The following FBXO46 variants were observed in gnomAD, a reference collection of about 807,000 sequenced individuals.
FBXO46 encodes F-box protein 46, also known as F-box only protein 46.
Under a neutral mutation model 30.7 loss-of-function variants are expected in FBXO46, and 13 were observed. The ratio of observed to expected loss-of-function variants is 0.42; its 90% CI spans 0.28 to 0.67. FBXO46 has a LOEUF of 0.67. Ranked by LOEUF, FBXO46 falls within the 30% of genes least tolerant of loss-of-function variation. The probability of loss-of-function intolerance (pLI) is 0.21; values close to 1 mark genes in which losing one functional copy is unlikely to be tolerated. For missense variants in FBXO46, 754 were observed against 871.5 expected (o/e 0.87, Z 1.70); for synonymous variants, 467 against 385.8 (o/e 1.21, Z -2.47).
At position 45,713,729 on chromosome 19, in the gene FBXO46, A is replaced by G. The variant is rs1968040936; in HGVS notation, c.-78-156T>C. Among the ~76,000 whole-genome samples the G allele has an allele frequency of 6.6e-6, 1 of 152,120 alleles. No homozygotes were observed. The highest frequency in any genetic ancestry group is 2.1e-4 in the South Asian group (1 of 4,828). ...ACGCCTGTAATCCCAGCACTTTGGG[A>G]GGCTGAGGTGGGCAGATCACCTGAG... On this transcript the variant is annotated intron_variant, in intron 1 of 1. Coordinates refer to ENST00000317683, the MANE Select transcript of FBXO46 (RefSeq NM_001080469.2). The surrounding 1 kb of genome is among the most constrained non-coding windows in gnomAD (Gnocchi z 4.7).
chr19:45,719,591 A>G (rs1968144077), intron 1 of FBXO46, among the ~76,000 whole-genome samples: 2 of 151,556 alleles, frequency 1.3e-5, no homozygotes, highest in Non-Finnish European at 2.9e-5. Context: ...GAACCACTCA[A>G]TCTACACCCT....
chr19:45,723,266 G>A (rs1042822797), intron 1 of FBXO46, among the ~76,000 whole-genome samples: 2 of 151,926 alleles, frequency 1.3e-5, no homozygotes, highest in Non-Finnish European at 2.9e-5. Context: ...CCAGCTACTC[G>A]GGGAGGCTGA....
At position 45,710,965 on chromosome 19, in the gene FBXO46, T is replaced by C; in HGVS notation, c.*719A>G. 4.8e-6 allele frequency: 1 copy of C among 208,672 alleles called. No homozygotes were observed. Among genetic ancestry groups the C allele is most frequent in the South Asian group, 5.9e-5 (1 of 16,812 alleles). 12.9% of individuals were successfully genotyped at this position (208,672 alleles called of 1,614,324 possible). On this transcript the variant is annotated 3_prime_UTR_variant, in exon 2 of 2. Transcript: ENST00000317683. ...AAAGGGCTTCACAGCTTTATGGGGG[T>C]GGGGTTGATGGCAGTAGCTTAAATA...
In FBXO46 at chr19:45,712,916, T is replaced by A. The variant is rs1968018020; in HGVS notation, c.580A>T (p.Thr194Ser). The change falls in exon 2 of 2, where the codon ACC becomes TCC. Residue 194 changes from threonine (T) to serine (S), a missense_variant. Transcript: ENST00000317683. The surrounding 1 kb of genome is among the most constrained non-coding windows in gnomAD (Gnocchi z 8.8). ...ALALQSYPRP[T>S]TPAPVVFVSA... ...ACAAAGACTACAGGCGCTGGGGTGGTCGGTCGTGGGTAGCTCTGCAGGGCC... is the reference window on the plus strand; with the variant it reads ...ACAAAGACTACAGGCGCTGGGGTGGACGGTCGTGGGTAGCTCTGCAGGGCC... 6.2e-7 allele frequency: 1 copy of A among 1,609,154 alleles called. No homozygotes were observed. Among genetic ancestry groups the A allele is most frequent in the Non-Finnish European group, 8.5e-7 (1 of 1,178,178 alleles).
chr19:45,712,243 C>T lies in FBXO46; in HGVS notation c.1253G>A (p.Gly418Glu). ...LFFLQNRGPD[G>E]PPEPPPADSP... ...GTCGGCCGGGGGTGGCTCCGGGGGC[C>T]CGTCCGGCCCGCGGTTCTGGAGAAA... Residue 418 changes from glycine to glutamate, a missense_variant, in exon 2 of 2, where the codon GGG becomes GAG. By Grantham distance (98) the Gly-to-Glu change is moderately conservative. Coordinates refer to ENST00000317683, the MANE Select transcript of FBXO46 (RefSeq NM_001080469.2). This position sits in a 1 kb window ranked among gnomAD's most constrained non-coding sequence, Gnocchi z 8.8. 6.2e-7 allele frequency: 1 copy of T among 1,604,580 alleles called. No individual in the cohort carries two copies. Among genetic ancestry groups the T allele is most frequent in the Non-Finnish European group, 8.5e-7 (1 of 1,178,314 alleles).
intron 1 of FBXO46, among the ~76,000 whole-genome samples, chr19:45,725,396 C>A (rs1968224018): frequency 6.6e-6 from 1 of 151,740 alleles, no homozygotes; most frequent in Non-Finnish European, 1.5e-5. Flanking sequence ...GCCCGGGCAA[C>A]AGAGCCAGAC....
chr19:45,716,104 T>G (rs1293693323), intron 1 of FBXO46: 1 of 152,176 alleles, frequency 6.6e-6, no homozygotes, highest in Admixed American at 6.6e-5. Context: ...ATTCAGAACT[T>G]TTTGAGTGCC....
At chr19:45,719,738 A>G (rs1968145484) in intron 1 of FBXO46, among the ~76,000 whole-genome samples, 1 of 152,232 alleles carries the variant, frequency 6.6e-6, no homozygotes, top group Non-Finnish European at 1.5e-5. Flanking sequence ...GCGCTGGAAC[A>G]CACAGGTGAC....
chr19:45,712,544 C>A lies in FBXO46; in HGVS notation c.952G>T (p.Ala318Ser). Residue 318 changes from alanine (A) to serine (S), a missense_variant, in exon 2 of 2, where the codon GCC (alanine) becomes TCC (serine). Ala to Ser is a moderately conservative substitution (Grantham distance 99). Coordinates refer to ENST00000317683, the MANE Select transcript of FBXO46 (RefSeq NM_001080469.2). This position sits in a 1 kb window ranked among gnomAD's most constrained non-coding sequence, Gnocchi z 8.8. ...LYQLISPSRD[A>S]LPSNVEFLLA... Reference sequence around the variant, plus strand: ...AGGAACTCCACGTTGCTGGGGAGGGCATCCCGCGAGGGGCTGATGAGCTGG... The same window carrying A: ...AGGAACTCCACGTTGCTGGGGAGGGAATCCCGCGAGGGGCTGATGAGCTGG... 1 of 1,598,640 alleles carries A rather than the reference C, an allele frequency of 6.3e-7. No homozygotes were observed. The highest frequency in any genetic ancestry group is 8.5e-7 in the Non-Finnish European group (1 of 1,171,560).
intron 1 of FBXO46, among the ~76,000 whole-genome samples, chr19:45,718,954 A>AT (rs1292352513): frequency 2.5e-4 from 38 of 151,940 alleles, no homozygotes; most frequent in Admixed American, 3.3e-4. Context: ...AAAAAAAAAA[A>AT]AAAAAAACTT....
upstream of FBXO46, among the ~76,000 whole-genome samples, chr19:45,731,728 G>T (rs1968316682): frequency 6.6e-6 from 1 of 151,998 alleles, no homozygotes; most frequent in Non-Finnish European, 1.5e-5. Flanking sequence ...GCTCCACATC[G>T]CTCGAGCCCA....
rs1364371214 is a variant in FBXO46, at chr19:45,712,238, G to A, written c.1258C>T (p.Pro420Ser). 2.5e-6 allele frequency: 4 copies of A among 1,605,206 alleles called. No homozygotes were observed. The East Asian group carries it at 6.7e-5, about 27-fold the overall frequency. The change falls in exon 2 of 2, where the codon CCG becomes TCG. Residue 420 changes from proline to serine, a missense_variant. Transcript: ENST00000317683. The surrounding 1 kb of genome is among the most constrained non-coding windows in gnomAD (Gnocchi z 8.8). Reference protein sequence around the residue: ...FLQNRGPDGPPEPPPADSPAT... With the variant: ...FLQNRGPDGPSEPPPADSPAT... ...GGGGAGTCGGCCGGGGGTGGCTCCGGGGGCCCGTCCGGCCCGCGGTTCTGG... is the reference window on the plus strand; with the variant it reads ...GGGGAGTCGGCCGGGGGTGGCTCCGAGGGCCCGTCCGGCCCGCGGTTCTGG...
chr19:45,720,193 G>A (rs958884153), intron 1 of FBXO46, among the ~76,000 whole-genome samples: 6 of 151,666 alleles, frequency 4.0e-5, no homozygotes, highest in Admixed American at 3.3e-4. Context: ...GTGCGATCTC[G>A]GCTCACTGCA....
rs1435895106 is a variant in FBXO46 at position 45,711,279 on chromosome 19, G to C, written c.*405C>G. 2 of 434,202 alleles carry C rather than the reference G, an allele frequency of 4.6e-6. No homozygotes were observed. The highest frequency in any genetic ancestry group is 6.7e-5 in the East Asian group (1 of 14,862). The allele number at this position is 434,202 out of a possible 1,614,324, so 26.9% of individuals were successfully genotyped here. A position where few individuals can be genotyped will look rare whatever the true frequency, so the allele number is the denominator to read the frequency against. On this transcript the variant is annotated 3_prime_UTR_variant, in exon 2 of 2. Coordinates refer to ENST00000317683, the MANE Select transcript of FBXO46 (RefSeq NM_001080469.2). The stretch of plus-strand genomic sequence containing the variant: ...GGCTTCTTGGGAAATAACAGCTCCA[G>C]CGAGAAAGAATTGGGGTGAGGGAGA...
At chr19:45,723,745 T>C (rs762221281) in intron 1 of FBXO46, among the ~76,000 whole-genome samples, 2 of 152,090 alleles carry the variant, frequency 1.3e-5, no homozygotes, top group Non-Finnish European at 2.9e-5. Flanking sequence ...CTGCAACCTC[T>C]GCCTCCCAGG....
At chr19:45,730,906 C>T (rs899810942), upstream of FBXO46, 27 of 152,390 alleles carry the variant, frequency 1.8e-4, no homozygotes, top group African/African-American at 6.3e-4. Flanking sequence ...CGCTCCTCTC[C>T]AGCCTCCCCT....
At chr19:45,721,357 CAGAA>C (rs148383941) in intron 1 of FBXO46, among the ~76,000 whole-genome samples, 2,814 of 151,900 alleles carry the variant, frequency 0.019, 73 homozygotes, top group African/African-American at 0.064. Flanking sequence ...AACACCAAAA[CAGAA>C]AGAAAGAATG....
In FBXO46 at chr19:45,713,116, T is replaced by C; in HGVS notation, c.380A>G (p.Asp127Gly). The change falls in exon 2 of 2, where the codon GAT (aspartate) becomes GGT (glycine). Residue 127 changes from aspartate to glycine, a missense_variant. Asp to Gly is a moderately conservative substitution (Grantham distance 94). Transcript: ENST00000317683. This position sits in a 1 kb window ranked among gnomAD's most constrained non-coding sequence, Gnocchi z 4.7. Reference protein sequence around the residue: ...SMKVKGHWGSDSSKAKRRRRC... With the variant: ...SMKVKGHWGSGSSKAKRRRRC... ...CCTCCGCCGCTTGGCCTTGGAGCTA[T>C]CGCTGCCCCAGTGCCCCTTGACCTT... 6.2e-7 allele frequency: 1 copy of C among 1,611,908 alleles called. No homozygotes were observed. The highest frequency in any genetic ancestry group is 8.5e-7 in the Non-Finnish European group (1 of 1,179,114).
At chr19:45,720,790 A>G (rs144653071) in intron 1 of FBXO46, among the ~76,000 whole-genome samples, 2 of 152,196 alleles carry the variant, frequency 1.3e-5, no homozygotes, top group African/African-American at 4.8e-5. Context: ...CTGACTCCAG[A>G]GCTCAAGGTC....
Sources: gnomAD v4.1 joint callset for allele counts (sites outside exome capture counted in the v4.1 genomes callset) on GRCh38, gnomAD v4.1.1 for gene constraint, Gnocchi (gnomAD v3.1) non-coding constraint, MANE v1.5 for transcripts, NCBI Gene and HGNC (gene_info 2026-07-23, HGNC 2026-07-21) for gene names.